Variants in CAPN14 observed in about 807,000 individuals in gnomAD.
The protein encoded by CAPN14 is calpain-14.
In CAPN14, 94 loss-of-function variants were observed where a neutral mutation model predicts 101.3. That is an observed-to-expected ratio of 0.93 (90% CI 0.79 to 1.10). CAPN14 has a LOEUF of 1.10. CAPN14 is among the 50% of genes least tolerant of loss of function. The probability of loss-of-function intolerance (pLI) is 0.00; values close to 1 mark genes in which losing one functional copy is unlikely to be tolerated. For synonymous variants in CAPN14, 338 were observed against 317.9 expected (o/e 1.06, Z -0.67); for missense variants, 837 against 828.4 (o/e 1.01, Z -0.13).
chr2:31,213,324 G>C (rs1463426048), intron 1 of CAPN14, among the ~76,000 whole-genome samples: 2 of 152,204 alleles, frequency 1.3e-5, no homozygotes, highest in Non-Finnish European at 2.9e-5. Context: ...TCTAAAGTAG[G>C]AGTTGGCAAA....
chr2:31,209,110 C>G (rs74472767), intron 1 of CAPN14, among the ~76,000 whole-genome samples: 7,240 of 150,856 alleles, frequency 0.048, 173 homozygotes, highest in African/African-American at 0.054. Flanking sequence ...GTTAGGACTA[C>G]AGGCTCATGC....
chr2:31,199,992 C>T (rs927545542), intron 6 of CAPN14, among the ~76,000 whole-genome samples: 5 of 152,144 alleles, frequency 3.3e-5, no homozygotes, highest in African/African-American at 1.2e-4. Flanking sequence ...CCCAACACTG[C>T]TGCTCTGGTT....
intron 7 of CAPN14, among the ~76,000 whole-genome samples, chr2:31,198,551 C>T (rs1232437377): frequency 6.6e-6 from 1 of 152,192 alleles, no homozygotes; most frequent in African/African-American, 2.4e-5. Flanking sequence ...CAGCATTTAG[C>T]ACACAGTAAG....
chr2:31,226,432 G>C (rs1414940670), intron 2 of CAPN14: 1 of 152,190 alleles, frequency 6.6e-6, no homozygotes, highest in Non-Finnish European at 1.5e-5. Flanking sequence ...TTCAGTGCCT[G>C]CACCAGCCCT....
In CAPN14 at chr2:31,230,064, T is replaced by G. The variant is rs1683143720; in HGVS notation, c.-176-3413A>C. The stretch of plus-strand genomic sequence containing the variant: ...TTCATTTTAGGTTCGGGGGTACATG[T>G]GAAGGTTTGTTATATAGGTAAACTA... On this transcript the variant is annotated intron_variant and NMD_transcript_variant, in intron 1 of 21. Transcript: ENST00000398824. The surrounding 1 kb of genome is among the most constrained non-coding windows in gnomAD (Gnocchi z 4.3). 6.6e-6 allele frequency among the ~76,000 whole-genome samples: 1 copy of G among 152,194 alleles called. No individual in the cohort carries two copies. The highest frequency in any genetic ancestry group is 2.4e-5 in the African/African-American group (1 of 41,442).
intron 1 of CAPN14, among the ~76,000 whole-genome samples, chr2:31,208,242 A>C (rs924140712): frequency 2.0e-5 from 3 of 151,804 alleles, no homozygotes; most frequent in Non-Finnish European, 4.4e-5. Context: ...GGCTTACCCC[A>C]TTTTCTTCCC....
intron 7 of CAPN14, among the ~76,000 whole-genome samples, chr2:31,198,013 C>T (rs1351945224): frequency 6.6e-6 from 1 of 152,088 alleles, no homozygotes; most frequent in East Asian, 1.9e-4. Context: ...TTTGTGGCAA[C>T]CCTAGGAAAC....
upstream of CAPN14, chr2:31,217,533 C>A (rs1227917703): frequency 3.3e-5 from 5 of 152,180 alleles, no homozygotes; most frequent in Non-Finnish European, 7.3e-5. Flanking sequence ...CAGCCTGAAA[C>A]CACCTCTTAT....
upstream of CAPN14, among the ~76,000 whole-genome samples, chr2:31,220,269 T>C (rs77344118): frequency 0.02 from 3,068 of 152,334 alleles, 51 homozygotes; most frequent in Middle Eastern, 0.044. Context: ...TGACCCTTCA[T>C]GGGCACACAG....
At chr2:31,200,164 C>G (rs768558861) in intron 6 of CAPN14, among the ~76,000 whole-genome samples, 1 of 152,114 alleles carries the variant, frequency 6.6e-6, no homozygotes, top group Non-Finnish European at 1.5e-5. Context: ...TCACCATGCC[C>G]GGCTAATTTT....
chr2:31,187,218 G>A (rs916517438), intron 15 of CAPN14, among the ~76,000 whole-genome samples: 2 of 152,044 alleles, frequency 1.3e-5, no homozygotes, highest in South Asian at 4.1e-4. Flanking sequence ...CCAGAGCCCC[G>A]CACTCACACC....
intron 2 of CAPN14, among the ~76,000 whole-genome samples, chr2:31,223,914 G>A (rs1398481956): frequency 6.6e-6 from 1 of 152,122 alleles, no homozygotes; most frequent in Non-Finnish European, 1.5e-5. Context: ...AGAATACTTA[G>A]CATAACACCT....
chr2:31,178,158 G>A (rs1356289212), intron 18 of CAPN14, among the ~76,000 whole-genome samples: 1 of 152,240 alleles, frequency 6.6e-6, no homozygotes, highest in Non-Finnish European at 1.5e-5. Context: ...GGAGAGTTGT[G>A]AGTTGTGAGC....
At chr2:31,228,584 C>T (rs931998905) in intron 1 of CAPN14, among the ~76,000 whole-genome samples, 41 of 152,114 alleles carry the variant, frequency 2.7e-4, no homozygotes, top group African/African-American at 8.2e-4. Context: ...TATTAAATAG[C>T]TTATTAAATA....
chr2:31,195,686 C>G (rs1196842882), intron 8 of CAPN14, among the ~76,000 whole-genome samples: 2 of 152,106 alleles, frequency 1.3e-5, no homozygotes, highest in African/African-American at 4.8e-5. Context: ...CCCAGAGGGT[C>G]TACAATTTAG....
chr2:31,188,311 T>G lies in CAPN14; in HGVS notation c.1530+7A>C. On this transcript the variant is annotated splice_region_variant and intron_variant, in intron 14 of 21. Coordinates refer to ENST00000403897, the MANE Select transcript of CAPN14 (RefSeq NM_001145122.2). ...CCAGCCATATGGAATTCCACCAGACTACTCACCTTTGAGAAGACGACACCA... is the reference window on the plus strand; with the variant it reads ...CCAGCCATATGGAATTCCACCAGACGACTCACCTTTGAGAAGACGACACCA... 1 of 1,551,196 alleles carries G rather than the reference T, an allele frequency of 6.4e-7. No individual in the cohort carries two copies. The highest frequency in any genetic ancestry group is 1.7e-4 in the Middle Eastern group (1 of 5,992).
chr2:31,226,350 T>G (rs1025283106), intron 2 of CAPN14, among the ~76,000 whole-genome samples: 2 of 152,230 alleles, frequency 1.3e-5, no homozygotes, highest in African/African-American at 4.8e-5. Flanking sequence ...TTATAATAAT[T>G]GGCCAACTAC....
intron 12 of CAPN14, 117 bp downstream of exon 12, chr2:31,191,282 A>T: frequency 1.0e-6 from 1 of 1,000,266 alleles, no homozygotes; most frequent in Non-Finnish European, 1.5e-6. Flanking sequence ...ATCATCTGGC[A>T]TTATCATAGC....
intron 19 of CAPN14, 68 bp downstream of exon 19, chr2:31,177,678 T>C: frequency 8.7e-7 from 1 of 1,154,192 alleles, no homozygotes; most frequent in Admixed American, 2.0e-5. Context: ...ACACATCCCC[T>C]CTCCTCTGCC....
Sources: gnomAD v4.1 joint callset for allele counts (sites outside exome capture counted in the v4.1 genomes callset) on GRCh38, gnomAD v4.1.1 for gene constraint, Gnocchi (gnomAD v3.1) non-coding constraint, MANE v1.5 for transcripts, NCBI Gene and HGNC (gene_info 2026-07-23, HGNC 2026-07-21) for gene names.